The following TPR variants were observed in gnomAD, a reference collection of about 807,000 sequenced individuals.
The protein encoded by TPR is nucleoprotein TPR.
Under a neutral mutation model 316.1 loss-of-function variants are expected in TPR, and 51 were observed. The observed-to-expected ratio is 0.16, with a 90% CI of 0.13 to 0.20. The LOEUF is 0.20. Ranked by LOEUF, TPR falls within the 10% of genes least tolerant of loss-of-function variation. The pLI, the probability that TPR is intolerant of heterozygous loss-of-function variation, is 1.00. For missense variants in TPR, 2,272 were observed against 2,754.8 expected (o/e 0.82, Z 3.92); for synonymous variants, 981 against 914.7 (o/e 1.07, Z -1.31).
intron 4 of TPR, among the ~76,000 whole-genome samples, chr1:186,363,959 T>C (rs1053821666): frequency 6.6e-6 from 1 of 152,158 alleles, no homozygotes; most frequent in Non-Finnish European, 1.5e-5. Context: ...AATACTTTCA[T>C]AGCCACCTCC....
intron 18 of TPR, 45 bp downstream of exon 18, chr1:186,353,643 A>T (rs767295087): frequency 6.3e-7 from 1 of 1,582,894 alleles, no homozygotes; most frequent in South Asian, 1.2e-5. Context: ...AAGAAATGTC[A>T]AATGCAACTT....
In TPR at chr1:186,361,083, C is replaced by T. The variant is rs76136911; in HGVS notation, c.959-178G>A. ...ACTTATAATTTTGGAATTGTCTTCGCCTGGTGTTTCTCCTTTTGATGTCTC... is the reference window on the plus strand; with the variant it reads ...ACTTATAATTTTGGAATTGTCTTCGTCTGGTGTTTCTCCTTTTGATGTCTC... On this transcript the variant is annotated intron_variant, in intron 9 of 50. Transcript: ENST00000367478. 6.0e-3 allele frequency among the ~76,000 whole-genome samples: 917 copies of T among 152,056 alleles called. 13 individuals are homozygous for T. The highest frequency in any genetic ancestry group is 0.021 in the African/African-American group (887 of 41,544).
rs752268376 is a variant in TPR, at chr1:186,326,241, A to G, written c.5890-6T>C. On this transcript the variant is annotated splice_polypyrimidine_tract_variant and splice_region_variant and intron_variant, in intron 40 of 50. Coordinates refer to ENST00000367478, the MANE Select transcript of TPR (RefSeq NM_003292.3). ...TCCTCATCCTCTTCATAATCCTAGT[A>G]GAAAGTTCCCCAGGCATAAATAAAA... The G allele has an allele frequency of 1.9e-6, 3 of 1,604,234 alleles. No homozygotes were observed. Among genetic ancestry groups the G allele is most frequent in the East Asian group, 2.3e-5 (1 of 44,050 alleles).
chr1:186,360,724 TGTA>T (rs747688615), intron 10 of TPR, 38 bp downstream of exon 10: 12 of 1,607,580 alleles, frequency 7.5e-6, no homozygotes, highest in African/African-American at 1.3e-5. Context: ...GTAGGAAAGC[TGTA>T]GTATTTCAAC....
At chr1:186,335,627 C>T (rs1304528374) in intron 33 of TPR, 84 bp from the exon 34 acceptor site, 4 of 1,090,308 alleles carry the variant, frequency 3.7e-6, no homozygotes, top group African/African-American at 3.2e-5. Flanking sequence ...CACATGGTCA[C>T]ATCAGATTCT....
chr1:186,358,780 T>C (rs1397715190), intron 12 of TPR, 130 bp from the exon 13 acceptor site: 9 of 692,056 alleles, frequency 1.3e-5, no homozygotes, highest in Non-Finnish European at 1.6e-5. Context: ...CATAATATTG[T>C]AGCCACTAAA....
intron 37 of TPR, 109 bp downstream of exon 37, chr1:186,333,013 T>G: frequency 7.4e-7 from 1 of 1,344,080 alleles, no homozygotes; most frequent in Non-Finnish European, 1.0e-6. Flanking sequence ...CGTAGGTCTA[T>G]TCTAACTTCA....
intron 38 of TPR, among the ~76,000 whole-genome samples, chr1:186,331,966 C>T (rs1027040601): frequency 6.6e-6 from 1 of 151,988 alleles, no homozygotes; most frequent in Non-Finnish European, 1.5e-5. Flanking sequence ...TATGACTGAG[C>T]TTTTTTATTG....
chr1:186,353,861 A>G lies in TPR; in HGVS notation c.2172-11T>C. 2 of 1,610,592 alleles carry G rather than the reference A, an allele frequency of 1.2e-6. No homozygotes were observed. Among genetic ancestry groups the G allele is most frequent in the East Asian group, 2.2e-5 (1 of 44,852 alleles). On this transcript the variant is annotated splice_polypyrimidine_tract_variant and intron_variant, in intron 17 of 50. Transcript: ENST00000367478. ...TGCAGCATTTCATAACTGGTATGAA[A>G]AAAGTAATTCTACAAGTAACTGAAA... is the stretch of plus-strand genomic sequence containing the variant.
chr1:186,326,081 T>A, intron 41 of TPR, 23 bp downstream of exon 41: 19 of 1,613,516 alleles, frequency 1.2e-5, no homozygotes, highest in Non-Finnish European at 1.6e-5. Flanking sequence ...GAACTATGAA[T>A]GGTTAAAATT....
In TPR at chr1:186,360,253, A is replaced by T; in HGVS notation, c.1191+20T>A. On this transcript the variant is annotated intron_variant, in intron 11 of 50. Coordinates refer to ENST00000367478, the MANE Select transcript of TPR (RefSeq NM_003292.3). The stretch of plus-strand genomic sequence containing the variant: ...TTTGCTGAAGAAAAAGAATTTAACA[A>T]CATTTAATACCATTCTTACCTCAGT... 6.2e-7 allele frequency: 1 copy of T among 1,600,482 alleles called. No individual in the cohort carries two copies. The highest frequency in any genetic ancestry group is 8.5e-7 in the Non-Finnish European group (1 of 1,175,084).
At position 186,314,691 on chromosome 1, in the gene TPR, C is replaced by T. The variant is rs1483145427; in HGVS notation, c.6974G>A (p.Arg2325Gln). 5.0e-6 allele frequency: 8 copies of T among 1,612,498 alleles called. No individual in the cohort carries two copies. The highest frequency in any genetic ancestry group is 2.2e-5 in the South Asian group (2 of 90,926). The change falls in exon 50 of 51, where the codon CGA (arginine) becomes CAA (glutamine). Residue 2325 changes from arginine to glutamine, a missense_variant. Coordinates refer to ENST00000367478, the MANE Select transcript of TPR (RefSeq NM_003292.3). ...TSSSQPKPFR[R>Q]VRLQTTLRQG... The stretch of plus-strand genomic sequence containing the variant: ...TCTCAATGTTGTCTGAAGTCTTACT[C>T]GTCTGAAAGGCTTTGGTTGACTACT...
At chr1:186,326,354 C>T in intron 40 of TPR, 119 bp from the exon 41 acceptor site, 4 of 1,460,644 alleles carry the variant, frequency 2.7e-6, no homozygotes, top group Non-Finnish European at 3.6e-6. Flanking sequence ...AGGAATTGTC[C>T]TGAGAGTTGT....
At position 186,322,358 on chromosome 1, in the gene TPR, C is replaced by T. The variant is rs934675076; in HGVS notation, c.6421G>A (p.Val2141Met). 21 of 1,613,260 alleles carry T rather than the reference C, an allele frequency of 1.3e-5. No homozygotes were observed. The highest frequency in any genetic ancestry group is 1.7e-5 in the Non-Finnish European group (20 of 1,179,782). The change falls in exon 45 of 51, where the codon GTG becomes ATG. Residue 2141 changes from valine (V) to methionine (M), a missense_variant. Physicochemically the swap from Val to Met is conservative, Grantham distance 21. Transcript: ENST00000367478. ...AATCCATCAGTACGATGTGGCACCA[C>T]AAGAGTTGGAGTACTTGGAACTGTT... ...DRTVPSTPTL[V>M]VPHRTDGFAE...
Position 186,335,561 on chromosome 1 carries a change from C to T in TPR, c.4706-18G>A, listed in dbSNP as rs375938884. 25 of 1,546,088 alleles carry T rather than the reference C, an allele frequency of 1.6e-5. No individual in the cohort carries two copies. The highest frequency in any genetic ancestry group is 1.4e-4 in the South Asian group (11 of 80,104). ...TTTTACACCTAAAGAAGTAACCAGG[C>T]GATTATATTAATATTATAATCAAAC... is the stretch of plus-strand genomic sequence containing the variant. On this transcript the variant is annotated intron_variant, in intron 33 of 50. Coordinates refer to ENST00000367478, the MANE Select transcript of TPR (RefSeq NM_003292.3).
In TPR at chr1:186,374,977, G is replaced by A. The variant is rs1659668211; in HGVS notation, c.52C>T (p.Pro18Ser). Residue 18 changes from proline to serine, a missense_variant, in exon 1 of 51, where the codon CCC (proline) becomes TCC (serine). This residue lies in a region of TPR where 549 missense variants were observed against 598.6 expected (regional missense o/e 0.92). Transcript: ENST00000367478. ...TCAAGTTTGTTCTGGACAGACTTGG[G>A]CAGCTTGTTCAGCTCCGTGCGCTCC... ...VLERTELNKL[P>S]KSVQNKLEKF... is the part of the protein sequence containing the mutation. 2 of 1,614,088 alleles carry A rather than the reference G, an allele frequency of 1.2e-6. No individual in the cohort carries two copies. The highest frequency in any genetic ancestry group is 1.7e-5 in the Admixed American group (1 of 60,020).
intron 29 of TPR, 145 bp downstream of exon 29, chr1:186,340,883 T>C: frequency 1.6e-5 from 16 of 1,008,402 alleles, no homozygotes; most frequent in Non-Finnish European, 2.2e-5. Flanking sequence ...CTGTCACGTA[T>C]TTACATGTAT....
rs1265941814 is a variant in TPR at position 186,327,485 on chromosome 1, T to C, written c.5864A>G (p.Asp1955Gly). 7 of 1,610,514 alleles carry C rather than the reference T, an allele frequency of 4.3e-6. No homozygotes were observed. The highest frequency in any genetic ancestry group is 5.9e-6 in the Non-Finnish European group (7 of 1,179,346). ...VIDSDDEEED[D>G]DENDGEHEDY... is the part of the protein sequence containing the mutation. ...CTCATGTTCTCCATCATTTTCATCA[T>C]CATCCTCTTCTTCATCATCACTGTC... is the stretch of plus-strand genomic sequence containing the variant. Residue 1955 changes from aspartate (D) to glycine (G), a missense_variant, in exon 40 of 51, where the codon GAT becomes GGT. Asp to Gly is a moderately conservative substitution (Grantham distance 94). Around this residue, in one of 10 missense-constraint regions of TPR, gnomAD observed 435 missense variants for 461.1 expected, o/e 0.94. Transcript: ENST00000367478.
intron 37 of TPR, 32 bp downstream of exon 37, chr1:186,333,090 C>T: frequency 6.2e-7 from 1 of 1,607,178 alleles, no homozygotes; most frequent in Non-Finnish European, 8.5e-7. Context: ...ATGCATAGGT[C>T]TACTCTGACT....
Sources: allele counts gnomAD v4.1 joint callset (sites outside exome capture counted in the v4.1 genomes callset), GRCh38; gene constraint gnomAD v4.1.1; regional missense constraint gnomAD v4.1.1; transcripts MANE v1.5; gene names NCBI Gene and HGNC (gene_info 2026-07-23, HGNC 2026-07-21).